Variants in EYA1 observed in about 807,000 individuals in gnomAD.
EYA1 encodes EYA transcriptional coactivator and phosphatase 1.
A neutral mutation model predicts 82.0 loss-of-function variants in EYA1; 16 were observed. The observed-to-expected ratio is 0.20, with a 90% CI of 0.13 to 0.30. EYA1 has a LOEUF of 0.30. Ranked by LOEUF, EYA1 falls within the 10% of genes least tolerant of loss-of-function variation. The probability of loss-of-function intolerance (pLI) is 1.00; values close to 1 mark genes in which losing one functional copy is unlikely to be tolerated. For synonymous variants in EYA1, 261 were observed against 264.4 expected (o/e 0.99, Z 0.12); for missense variants, 633 against 730.7 (o/e 0.87, Z 1.54).
At chr8:71,431,487 T>C (rs1805612716) in intron 2 of EYA1, among the ~76,000 whole-genome samples, 1 of 152,146 alleles carries the variant, frequency 6.6e-6, no homozygotes, top group African/African-American at 2.4e-5. Flanking sequence ...GCCTAGTCCC[T>C]GATACCCTCC....
intron 1 of EYA1, 77 bp from the exon 2 acceptor site, chr8:71,356,588 G>T: frequency 6.7e-7 from 1 of 1,496,040 alleles, no homozygotes; most frequent in South Asian, 1.3e-5. Flanking sequence ...CAGAGCACAT[G>T]GCTGAGAACG....
At chr8:71,501,938 A>G (rs941118169) in intron 2 of EYA1, among the ~76,000 whole-genome samples, 79 of 152,310 alleles carry the variant, frequency 5.2e-4, no homozygotes, top group African/African-American at 1.9e-3. Context: ...CTCTTTTAAC[A>G]CCATAATTTT....
chr8:71,317,801 T>G lies in EYA1; in HGVS notation c.419-112A>C. 3 of 1,053,418 alleles carry G rather than the reference T, an allele frequency of 2.8e-6. No homozygotes were observed. The South Asian group carries it at 3.8e-5, about 13-fold the overall frequency. The allele number at this position is 1,053,418 out of a possible 1,614,324, so 65.3% of individuals were successfully genotyped here. A position where few individuals can be genotyped will look rare whatever the true frequency, so the allele number is the denominator to read the frequency against. On this transcript the variant is annotated intron_variant, in intron 6 of 17. Transcript: ENST00000340726. ...CTACAAATGCTTCCCCAATCTTATC[T>G]CAAAAATAAAGGGTATACATGCATT...
chr8:71,514,819 T>C (rs561763505), intron 2 of EYA1, among the ~76,000 whole-genome samples: 3 of 152,298 alleles, frequency 2.0e-5, no homozygotes, highest in African/African-American at 7.2e-5. Flanking sequence ...CAATGGTTAT[T>C]TCTGATTAGT....
intron 2 of EYA1, among the ~76,000 whole-genome samples, chr8:71,494,815 G>A (rs1310949733): frequency 1.3e-5 from 2 of 151,942 alleles, no homozygotes; most frequent in Non-Finnish European, 1.5e-5. Context: ...TTAACCATGA[G>A]AAACATATTT....
At position 71,217,117 on chromosome 8, in the gene EYA1, C is replaced by T. The variant is rs1809313177; in HGVS notation, c.1141-94G>A. ...AAAACCATACATATTTTTTAAAGCA[C>T]CTTAATTGGAGGATTTTTCAACTAT... On this transcript the variant is annotated intron_variant, in intron 12 of 17. Transcript: ENST00000340726. 9.8e-6 allele frequency: 9 copies of T among 922,774 alleles called. No homozygotes were observed. In the East Asian group the frequency reaches 1.7e-4, roughly 18 times the overall value. 57.2% of individuals were successfully genotyped at this position (922,774 alleles called of 1,614,324 possible).
intron 2 of EYA1, among the ~76,000 whole-genome samples, chr8:71,484,683 G>A (rs973476453): frequency 6.6e-6 from 1 of 152,206 alleles, no homozygotes; most frequent in African/African-American, 2.4e-5. Flanking sequence ...CATGTACAAC[G>A]GGTTGAGGTG....
intron 4 of EYA1, among the ~76,000 whole-genome samples, chr8:71,330,643 G>T (rs1432321669): frequency 2.6e-5 from 4 of 152,244 alleles, no homozygotes; most frequent in African/African-American, 9.6e-5. Context: ...AGACACAGAA[G>T]TTGGTCATGT....
rs2128951538 is a variant in EYA1, at chr8:71,271,741, T to G, written c.966+17A>C. ...TAAGACACCTTTCTATTCACTTGGG[T>G]GTTGGCTATGACGTACCTCAAGATC... On this transcript the variant is annotated intron_variant, in intron 10 of 17. Transcript: ENST00000340726. 6.2e-7 allele frequency: 1 copy of G among 1,614,140 alleles called. No individual in the cohort carries two copies. The highest frequency in any genetic ancestry group is 1.1e-5 in the South Asian group (1 of 91,074).
intron 2 of EYA1, among the ~76,000 whole-genome samples, chr8:71,367,930 A>G (rs931769956): frequency 2.5e-4 from 38 of 152,222 alleles, no homozygotes; most frequent in African/African-American, 9.2e-4. Flanking sequence ...TGTAAGTACA[A>G]TTAAACATTT....
At chr8:71,304,367 G>A (rs1158397716) in intron 7 of EYA1, among the ~76,000 whole-genome samples, 1 of 142,644 alleles carries the variant, frequency 7.0e-6, no homozygotes, top group African/African-American at 2.5e-5. Context: ...CAGAACTGAC[G>A]CTCTTAATCT....
intron 2 of EYA1, among the ~76,000 whole-genome samples, chr8:71,396,105 G>A (rs771615113): frequency 1.9e-4 from 29 of 152,098 alleles, no homozygotes; most frequent in Non-Finnish European, 3.2e-4. Context: ...TTCTCTGATG[G>A]TAGTTTGTAT....
chr8:71,232,946 C>A (rs1245932185), intron 12 of EYA1, among the ~76,000 whole-genome samples: 1 of 152,294 alleles, frequency 6.6e-6, no homozygotes, highest in East Asian at 1.9e-4. Context: ...TTAACTCACG[C>A]AATTCTCACA....
intron 2 of EYA1, among the ~76,000 whole-genome samples, chr8:71,472,431 T>C (rs1809275921): frequency 1.3e-5 from 2 of 152,126 alleles, no homozygotes; most frequent in African/African-American, 4.8e-5. Flanking sequence ...TTTTGGGTTG[T>C]TTTAACCTTG....
intron 1 of EYA1, among the ~76,000 whole-genome samples, chr8:71,545,803 G>A (rs976230350): frequency 3.3e-5 from 5 of 151,778 alleles, no homozygotes; most frequent in South Asian, 2.1e-4. Context: ...CTCGTAATCC[G>A]CCCACCTCCA....
chr8:71,254,824 C>A (rs1184518658), intron 11 of EYA1, among the ~76,000 whole-genome samples: 1 of 151,832 alleles, frequency 6.6e-6, no homozygotes, highest in African/African-American at 2.4e-5. Context: ...TAGAAAGCCC[C>A]GAAGACCTCC....
intron 12 of EYA1, among the ~76,000 whole-genome samples, chr8:71,242,965 C>T (rs1563680615): frequency 1.3e-5 from 2 of 151,430 alleles, no homozygotes; most frequent in South Asian, 2.1e-4. Context: ...TTAATAGAGA[C>T]GGGGGTTTCT....
intron 11 of EYA1, among the ~76,000 whole-genome samples, chr8:71,255,147 A>G (rs1159961126): frequency 6.6e-6 from 1 of 152,208 alleles, no homozygotes; most frequent in Non-Finnish European, 1.5e-5. Context: ...TGGATGAAAG[A>G]TATAGTGTTA....
At chr8:71,507,993 A>G (rs982937496) in intron 2 of EYA1, among the ~76,000 whole-genome samples, 15 of 152,292 alleles carry the variant, frequency 9.8e-5, no homozygotes, top group African/African-American at 3.4e-4. Flanking sequence ...ACTATGGCCA[A>G]CTTTGTCAGT....
Sources: allele counts gnomAD v4.1 joint callset (sites outside exome capture counted in the v4.1 genomes callset), GRCh38; gene constraint gnomAD v4.1.1; transcripts MANE v1.5; gene names NCBI Gene and HGNC (gene_info 2026-07-23, HGNC 2026-07-21).